KCNH1: variants seen among roughly 807,000 people sequenced by gnomAD.
KCNH1 encodes potassium voltage-gated channel subfamily H member 1.
Under a neutral mutation model 69.2 loss-of-function variants are expected in KCNH1, and 27 were observed. The observed-to-expected ratio is 0.39, with a 90% CI of 0.29 to 0.54. The LOEUF is 0.54. Ranked by LOEUF, KCNH1 falls within the 20% of genes least tolerant of loss-of-function variation. KCNH1 has a pLI of 0.68. For missense variants in KCNH1, 798 were observed against 1,261.6 expected (o/e 0.63, Z 5.57); for synonymous variants, 456 against 487.7 (o/e 0.93, Z 0.86).
chr1:210,884,961 C>T (rs1558510793), intron 7 of KCNH1, among the ~76,000 whole-genome samples: 1 of 152,204 alleles, frequency 6.6e-6, no homozygotes, highest in Non-Finnish European at 1.5e-5. Flanking sequence ...ACTTACAGAG[C>T]CTTAGGCAGT....
At chr1:210,939,096 C>T (rs1024584864) in intron 6 of KCNH1, among the ~76,000 whole-genome samples, 3 of 152,144 alleles carry the variant, frequency 2.0e-5, no homozygotes, top group Non-Finnish European at 4.4e-5. Flanking sequence ...ATGCCCTCCT[C>T]TAGGCTCCCA....
At chr1:210,872,002 T>C (rs1686259663) in intron 7 of KCNH1, among the ~76,000 whole-genome samples, 1 of 151,582 alleles carries the variant, frequency 6.6e-6, no homozygotes. Context: ...TGTATACATA[T>C]GTAACTAACC....
At chr1:211,129,052 A>C (rs867847) in intron 1 of KCNH1, among the ~76,000 whole-genome samples, 14,618 of 152,272 alleles carry the variant, frequency 0.096, 962 homozygotes, top group South Asian at 0.21. Flanking sequence ...GAGAGGATTC[A>C]GTGGAACAGT....
At chr1:210,691,114 C>CT (rs1404522612) in intron 10 of KCNH1, among the ~76,000 whole-genome samples, 2 of 152,218 alleles carry the variant, frequency 1.3e-5, no homozygotes, top group African/African-American at 4.8e-5. Flanking sequence ...GAGTGCTTGA[C>CT]TTTAATAGTT....
At chr1:210,718,938 A>G (rs991097953) in intron 10 of KCNH1, among the ~76,000 whole-genome samples, 7 of 151,966 alleles carry the variant, frequency 4.6e-5, no homozygotes, top group East Asian at 1.9e-4. Context: ...TGATATCTCA[A>G]TGGAATCAAA....
chr1:210,702,931 C>G (rs1002831973), intron 10 of KCNH1, among the ~76,000 whole-genome samples: 3 of 152,144 alleles, frequency 2.0e-5, no homozygotes. Context: ...CAAGTTTTAA[C>G]AAATTAGTCC....
Position 210,810,715 on chromosome 1 carries a change from TCTC to T in KCNH1, c.1463-6552_1463-6550del, listed in dbSNP as rs765426509. ...CTGTTTTTTCTTAGATGTAATATCT[TCTC>T]CTATTTTCTCAAAGGATATCAATGA... On this transcript the variant is annotated intron_variant, in intron 7 of 10. Coordinates refer to ENST00000271751, the MANE Select transcript of KCNH1 (RefSeq NM_172362.3). Among the ~76,000 whole-genome samples the T allele has an allele frequency of 3.9e-5, 6 of 152,318 alleles. No homozygotes were observed. In the East Asian group the frequency reaches 9.6e-4, roughly 24 times the overall value.
chr1:211,112,501 T>TAAAAAAAAAA (rs74258707), intron 1 of KCNH1, among the ~76,000 whole-genome samples: 7 of 126,382 alleles, frequency 5.5e-5, no homozygotes, highest in African/African-American at 1.3e-4. Context: ...ATTAAATAAA[T>TAAAAAAAAAA]AAAAAAAAAA....
chr1:210,839,659 C>G (rs539122529), intron 7 of KCNH1, among the ~76,000 whole-genome samples: 5 of 152,174 alleles, frequency 3.3e-5, no homozygotes, highest in African/African-American at 1.2e-4. Flanking sequence ...ATAGAATAGC[C>G]TTTTTGAGAT....
intron 3 of KCNH1, among the ~76,000 whole-genome samples, chr1:211,091,574 C>T (rs534702639): frequency 6.6e-6 from 1 of 152,274 alleles, no homozygotes; most frequent in Admixed American, 6.5e-5. Context: ...CACAATAATT[C>T]CCCCATACAA....
chr1:210,770,339 T>C (rs1574245658), intron 10 of KCNH1, among the ~76,000 whole-genome samples: 1 of 152,204 alleles, frequency 6.6e-6, no homozygotes, highest in Non-Finnish European at 1.5e-5. Flanking sequence ...AACCTGTACG[T>C]TCTGCACATG....
chr1:210,918,351 C>T (rs891637096), intron 7 of KCNH1, among the ~76,000 whole-genome samples: 1 of 152,174 alleles, frequency 6.6e-6, no homozygotes, highest in African/African-American at 2.4e-5. Flanking sequence ...TGTGCTCAGA[C>T]CTGTCTAAAC....
At chr1:210,690,676 A>T (rs545074727) in intron 10 of KCNH1, among the ~76,000 whole-genome samples, 209 of 152,348 alleles carry the variant, frequency 1.4e-3, no homozygotes, top group African/African-American at 4.8e-3. Flanking sequence ...GTTACTATGG[A>T]ATCAAATGCT....
intron 3 of KCNH1, among the ~76,000 whole-genome samples, chr1:211,102,544 C>A (rs1465479368): frequency 1.3e-5 from 2 of 152,108 alleles, no homozygotes; most frequent in African/African-American, 4.8e-5. Flanking sequence ...ATGGCCAGTG[C>A]AAATCTCTCA....
At chr1:211,082,927 G>A in intron 4 of KCNH1, 29 bp from the exon 5 acceptor site, 11 of 1,575,870 alleles carry the variant, frequency 7.0e-6, no homozygotes, top group Non-Finnish European at 8.7e-6. Context: ...TGAAAAGACA[G>A]GGTCAACCAC....
intron 1 of KCNH1, among the ~76,000 whole-genome samples, chr1:211,131,479 T>C (rs1691875057): frequency 6.6e-6 from 1 of 152,164 alleles, no homozygotes; most frequent in Admixed American, 6.6e-5. Context: ...AAGAGGAACA[T>C]TAATACTGCA....
chr1:210,856,898 T>TAAAA (rs1553352291), intron 7 of KCNH1, among the ~76,000 whole-genome samples: 2 of 121,692 alleles, frequency 1.6e-5, no homozygotes, highest in East Asian at 3.5e-4. Flanking sequence ...TATATATATA[T>TAAAA]AAAATACTCA....
intron 5 of KCNH1, among the ~76,000 whole-genome samples, chr1:211,035,745 G>T (rs1162306748): frequency 6.6e-6 from 1 of 152,178 alleles, no homozygotes; most frequent in Non-Finnish European, 1.5e-5. Context: ...CATGGAGTGA[G>T]TTCTTTATTA....
intron 9 of KCNH1, among the ~76,000 whole-genome samples, chr1:210,787,800 G>A (rs1684131860): frequency 6.6e-6 from 1 of 152,188 alleles, no homozygotes; most frequent in African/African-American, 2.4e-5. Context: ...TAAAGATAAT[G>A]CATGTTAGAA....
Sources: gnomAD v4.1 joint callset for allele counts (sites outside exome capture counted in the v4.1 genomes callset) on GRCh38, gnomAD v4.1.1 for gene constraint, MANE v1.5 for transcripts, NCBI Gene and HGNC (gene_info 2026-07-23, HGNC 2026-07-21) for gene names.